SLC4A4: variants seen among roughly 807,000 people sequenced by gnomAD.
SLC4A4 encodes the protein electrogenic sodium bicarbonate cotransporter 1.
A neutral mutation model predicts 111.5 loss-of-function variants in SLC4A4; 27 were observed. The ratio of observed to expected loss-of-function variants is 0.24; its 90% CI spans 0.18 to 0.33. The LOEUF is 0.33. SLC4A4 is among the 10% of genes least tolerant of loss of function. SLC4A4 has a pLI of 1.00. For missense variants in SLC4A4, 909 were observed against 1,315.5 expected (o/e 0.69, Z 4.78); for synonymous variants, 443 against 463.4 (o/e 0.96, Z 0.57).
At chr4:71,241,139 G>A (rs1198950925) in intron 2 of SLC4A4, among the ~76,000 whole-genome samples, 12 of 151,666 alleles carry the variant, frequency 7.9e-5, no homozygotes, top group Non-Finnish European at 1.5e-4. Context: ...AAGAGAAAAG[G>A]AAAAGAAAAA....
chr4:71,221,454 T>G (rs1267569269), intron 1 of SLC4A4, among the ~76,000 whole-genome samples: 1 of 152,214 alleles, frequency 6.6e-6, no homozygotes, highest in African/African-American at 2.4e-5. Flanking sequence ...TCCCCCAAAG[T>G]GCAGTCAGTG....
intron 3 of SLC4A4, among the ~76,000 whole-genome samples, chr4:71,320,283 C>G (rs1727014999): frequency 6.6e-6 from 1 of 151,896 alleles, no homozygotes; most frequent in African/African-American, 2.4e-5. Context: ...CTCAGCTTAC[C>G]CTAGCTTTTC....
At chr4:71,178,764 CT>C in intron 2 of SLC4A4, among the ~76,000 whole-genome samples, 1 of 152,166 alleles carries the variant, frequency 6.6e-6, no homozygotes, top group African/African-American at 2.4e-5. Context: ...CAGCCAAATT[CT>C]ACCAGAGGTA....
intron 3 of SLC4A4, among the ~76,000 whole-genome samples, chr4:71,262,865 C>CT (rs993968137): frequency 5.7e-4 from 83 of 146,278 alleles, no homozygotes; most frequent in South Asian, 2.6e-3. Flanking sequence ...GCCAACAATT[C>CT]TTTTTTTTTT....
chr4:71,465,784 A>G (rs1213574540), intron 12 of SLC4A4, among the ~76,000 whole-genome samples: 2 of 152,020 alleles, frequency 1.3e-5, no homozygotes, highest in African/African-American at 4.8e-5. Flanking sequence ...GCCATAAAAG[A>G]CTACTTATTT....
chr4:71,306,841 G>T (rs1725729290), intron 3 of SLC4A4, among the ~76,000 whole-genome samples: 1 of 152,168 alleles, frequency 6.6e-6, no homozygotes, highest in African/African-American at 2.4e-5. Flanking sequence ...TTTTAGGAAA[G>T]ATGTTGCTTT....
chr4:71,401,868 A>T (rs1720396355), intron 7 of SLC4A4, among the ~76,000 whole-genome samples: 1 of 152,206 alleles, frequency 6.6e-6, no homozygotes, highest in Non-Finnish European at 1.5e-5. Context: ...GTAGATGTAG[A>T]AATAGCCTGC....
chr4:71,347,134 G>GT (rs1287649612), intron 4 of SLC4A4, among the ~76,000 whole-genome samples: 3 of 152,062 alleles, frequency 2.0e-5, no homozygotes, highest in African/African-American at 7.2e-5. Context: ...TTGGATTTAT[G>GT]TTTTGCAAAT....
chr4:71,224,681 C>T (rs866870784), intron 1 of SLC4A4, among the ~76,000 whole-genome samples: 3 of 152,130 alleles, frequency 2.0e-5, no homozygotes, highest in South Asian at 4.1e-4. Flanking sequence ...CAGGATGCTC[C>T]GGTCTTTGGC....
chr4:71,175,209 G>A (rs1353966071), intron 2 of SLC4A4, among the ~76,000 whole-genome samples: 1 of 152,138 alleles, frequency 6.6e-6, no homozygotes, highest in Non-Finnish European at 1.5e-5. Flanking sequence ...TAAAAAGTGG[G>A]GGTGGAGCCA....
intron 3 of SLC4A4, among the ~76,000 whole-genome samples, chr4:71,333,325 G>T (rs1273635323): frequency 6.6e-6 from 1 of 152,204 alleles, no homozygotes; most frequent in Non-Finnish European, 1.5e-5. Context: ...AGATCTGAGA[G>T]AATTCCCTGG....
chr4:71,155,218 G>A (rs1422097871), intron 2 of SLC4A4, among the ~76,000 whole-genome samples: 1 of 152,116 alleles, frequency 6.6e-6, no homozygotes, highest in Admixed American at 6.5e-5. Context: ...AATTCTGTAT[G>A]TTAAACAAAT....
chr4:71,546,218 T>C (rs1735507451), intron 18 of SLC4A4, 132 bp from the exon 19 acceptor site: 1 of 754,148 alleles, frequency 1.3e-6, no homozygotes, highest in Non-Finnish European at 2.3e-6. Flanking sequence ...TAAAGTCCCC[T>C]CTTTCAAGGA....
chr4:71,173,135 C>T (rs941418588), intron 2 of SLC4A4, among the ~76,000 whole-genome samples: 1 of 152,114 alleles, frequency 6.6e-6, no homozygotes, highest in Non-Finnish European at 1.5e-5. Context: ...GAAGAAAACA[C>T]CATTGAAACT....
intron 2 of SLC4A4, among the ~76,000 whole-genome samples, chr4:71,098,742 T>G (rs1742631074): frequency 6.6e-6 from 1 of 151,970 alleles, no homozygotes. Flanking sequence ...ATGACAACTA[T>G]AGGTTCAAAA....
chr4:71,062,853 T>C (rs1021837013), intron 1 of SLC4A4, among the ~76,000 whole-genome samples: 2 of 152,230 alleles, frequency 1.3e-5, no homozygotes, highest in Non-Finnish European at 1.5e-5. Flanking sequence ...CGACATGATG[T>C]ATTTTCACCT....
chr4:71,246,252 C>A, intron 2 of SLC4A4, among the ~76,000 whole-genome samples: 1 of 152,084 alleles, frequency 6.6e-6, no homozygotes, highest in East Asian at 1.9e-4. Context: ...CTAGAGGAAC[C>A]ATGAAGAAGT....
At chr4:71,283,073 T>C (rs1723650137) in intron 3 of SLC4A4, among the ~76,000 whole-genome samples, 1 of 152,198 alleles carries the variant, frequency 6.6e-6, no homozygotes, top group African/African-American at 2.4e-5. Flanking sequence ...TGTTCTGTCA[T>C]GCATTTCCAA....
intron 16 of SLC4A4, among the ~76,000 whole-genome samples, chr4:71,526,797 G>A (rs1733458900): frequency 6.6e-6 from 1 of 151,968 alleles, no homozygotes; most frequent in African/African-American, 2.4e-5. Context: ...GAGGCTCTAG[G>A]GGAGAATGTG....
Sources: gnomAD v4.1 joint callset for allele counts (sites outside exome capture counted in the v4.1 genomes callset) on GRCh38, gnomAD v4.1.1 for gene constraint, MANE v1.5 for transcripts, NCBI Gene and HGNC (gene_info 2026-07-23, HGNC 2026-07-21) for gene names.